The following SLIT2 variants were observed in gnomAD, a reference collection of about 807,000 sequenced individuals.
SLIT2 encodes slit homolog 2 protein.
A neutral mutation model predicts 185.7 loss-of-function variants in SLIT2; 41 were observed. The ratio of observed to expected loss-of-function variants is 0.22; its 90% confidence interval spans 0.17 to 0.29. The LOEUF (loss-of-function observed/expected upper bound fraction) is 0.29, where lower values mean the gene tolerates loss of function less well. Ranked by LOEUF, SLIT2 falls within the 10% of genes least tolerant of loss-of-function variation. The pLI is 1.00. For synonymous variants in SLIT2, 693 were observed against 680.2 expected, an observed-to-expected ratio of 1.02 and a Z score of -0.29; for missense variants, 1,571 against 1,909.0, an observed-to-expected ratio of 0.82 and a Z score of 3.30.
intron 4 of SLIT2, among the ~76,000 whole-genome samples, chr4:20,430,734 C>G (rs60021161): frequency 6.6e-6 from 1 of 152,190 alleles, no homozygotes; most frequent in Non-Finnish European, 1.5e-5. Context: ...TCCTCCCGCC[C>G]ATGGGGCCTC....
At position 20,549,114 on chromosome 4, in the gene SLIT2, G is replaced by T. The variant is rs1238244930; in HGVS notation, c.2475G>T (p.Lys825Asn). 23 of 1,588,628 alleles carry T rather than the reference G, an allele frequency of 1.4e-5. No individual in the cohort carries two copies. The highest frequency in any genetic ancestry group is 2.0e-5 in the Non-Finnish European group (23 of 1,157,656). ...CIPPRTFDGL[K>N]SLRLLSLHGN... ...CTCCTCGCACCTTTGATGGATTAAA[G>T]TCTCTTCGATTACTGTAAGCATCTT... The change falls in exon 24 of 37, where the codon AAG (lysine) becomes AAT (asparagine). Residue 825 changes from lysine (K) to asparagine (N), a missense_variant. Transcript: ENST00000504154.
chr4:20,536,354 C>A (rs1458717323), intron 18 of SLIT2, among the ~76,000 whole-genome samples: 1 of 151,906 alleles, frequency 6.6e-6, no homozygotes, highest in Non-Finnish European at 1.5e-5. Flanking sequence ...TCAGGAGTTC[C>A]AGGACCAGCC....
chr4:20,501,018 G>A (rs1304762847), intron 9 of SLIT2, among the ~76,000 whole-genome samples: 1 of 151,990 alleles, frequency 6.6e-6, no homozygotes, highest in Admixed American at 6.5e-5. Context: ...AAAACAAAAT[G>A]CAATGATTCT....
chr4:20,483,961 GAGTATC>G (rs1251722035), intron 6 of SLIT2, among the ~76,000 whole-genome samples: 1 of 151,854 alleles, frequency 6.6e-6, no homozygotes, highest in Non-Finnish European at 1.5e-5. Flanking sequence ...TTCAGTCATT[GAGTATC>G]AGTATCAGTA....
rs559549850 is a variant in SLIT2 at position 20,512,020 on chromosome 4, T to G, written c.1058+883T>G. ...TTAAAGAAGTTTAAAAATAAATGTATAGCAGCTGTTATTAATATTACTTCA... is the reference window on the plus strand; with the variant it reads ...TTAAAGAAGTTTAAAAATAAATGTAGAGCAGCTGTTATTAATATTACTTCA... On this transcript the variant is annotated intron_variant, in intron 11 of 36. Transcript: ENST00000504154. Among the ~76,000 whole-genome samples, 115 of 152,336 alleles carry G rather than the reference T, an allele frequency of 7.5e-4. 1 individual carries two copies. Among genetic ancestry groups the G allele is most frequent in the African/African-American group, 2.5e-3 (103 of 41,574 alleles).
chr4:20,424,100 C>A (rs1728369978), intron 4 of SLIT2, among the ~76,000 whole-genome samples: 1 of 152,106 alleles, frequency 6.6e-6, no homozygotes, highest in African/African-American at 2.4e-5. Flanking sequence ...TCAGAGTTGG[C>A]ATAGAACATA....
At chr4:20,292,691 C>G (rs538230318) in intron 4 of SLIT2, among the ~76,000 whole-genome samples, 2 of 152,280 alleles carry the variant, frequency 1.3e-5, no homozygotes, top group South Asian at 4.1e-4. Flanking sequence ...TATTATTTCT[C>G]TATATCAAAC....
intron 18 of SLIT2, among the ~76,000 whole-genome samples, chr4:20,537,077 G>A (rs987609672): frequency 6.6e-6 from 1 of 152,128 alleles, no homozygotes; most frequent in African/African-American, 2.4e-5. Flanking sequence ...CCTGCCTGAG[G>A]CTGTTTTATA....
chr4:20,500,918 C>A (rs915133466), intron 9 of SLIT2, among the ~76,000 whole-genome samples: 63 of 152,100 alleles, frequency 4.1e-4, no homozygotes, highest in African/African-American at 1.5e-3. Flanking sequence ...ATACAACTTG[C>A]CTAGAAATGT....
At chr4:20,268,701 C>T (rs1713291012) in intron 3 of SLIT2, 109 bp from the exon 4 acceptor site, 1 of 781,558 alleles carries the variant, frequency 1.3e-6, no homozygotes, top group South Asian at 1.4e-5. Flanking sequence ...TCCTGAATGT[C>T]ATTTCATTCT....
intron 4 of SLIT2, among the ~76,000 whole-genome samples, chr4:20,300,638 TTTG>T (rs914695326): frequency 6.6e-6 from 1 of 152,078 alleles, no homozygotes; most frequent in Non-Finnish European, 1.5e-5. Flanking sequence ...AGACATCCTC[TTTG>T]TTTTTATTTC....
intron 4 of SLIT2, among the ~76,000 whole-genome samples, chr4:20,294,435 C>T (rs148879991): frequency 2.4e-3 from 372 of 152,214 alleles, no homozygotes; most frequent in Middle Eastern, 6.8e-3. Context: ...AGGTCTCAGC[C>T]TCCACTGTGT....
intron 4 of SLIT2, among the ~76,000 whole-genome samples, chr4:20,389,754 G>A (rs149894050): frequency 9.2e-5 from 14 of 152,242 alleles, no homozygotes; most frequent in African/African-American, 3.4e-4. Context: ...GTACAGATGA[G>A]AGTTTATTCT....
intron 9 of SLIT2, 147 bp from the exon 10 acceptor site, chr4:20,510,348 A>T (rs1005433955): frequency 2.2e-5 from 14 of 646,086 alleles, no homozygotes; most frequent in South Asian, 3.6e-5. Context: ...GGACAGAAAA[A>T]TTAAATTTAG....
chr4:20,489,533 C>A (rs1215524091), intron 8 of SLIT2, among the ~76,000 whole-genome samples: 1 of 152,188 alleles, frequency 6.6e-6, no homozygotes, highest in Non-Finnish European at 1.5e-5. Context: ...CCTGTAATCC[C>A]AGCATTTTGG....
intron 33 of SLIT2, among the ~76,000 whole-genome samples, chr4:20,607,352 A>G (rs12511349): frequency 0.091 from 13,890 of 152,248 alleles, 749 homozygotes; most frequent in Admixed American, 0.15. Flanking sequence ...TTGAAGTGTA[A>G]TGATTATCTA....
intron 4 of SLIT2, among the ~76,000 whole-genome samples, chr4:20,405,924 C>G (rs1435056038): frequency 9.3e-6 from 1 of 107,216 alleles, no homozygotes; most frequent in Non-Finnish European, 2.3e-5. Flanking sequence ...CAAACATTAC[C>G]TTGGCTGTTC....
intron 4 of SLIT2, among the ~76,000 whole-genome samples, chr4:20,375,104 G>T (rs370379753): frequency 6.6e-6 from 1 of 152,002 alleles, no homozygotes; most frequent in South Asian, 2.1e-4. Context: ...TAAATAATTA[G>T]TCACAATTAG....
At chr4:20,518,555 A>ATGTGTG (rs1411285170) in intron 11 of SLIT2, among the ~76,000 whole-genome samples, 4 of 23,274 alleles carry the variant, frequency 1.7e-4, no homozygotes, top group African/African-American at 2.4e-4. Flanking sequence ...CCCAGCCTAT[A>ATGTGTG]TGTATATATA....
Sources: allele counts gnomAD v4.1 joint callset (sites outside exome capture counted in the v4.1 genomes callset), GRCh38; gene constraint gnomAD v4.1.1; transcripts MANE v1.5; gene names NCBI Gene and HGNC (gene_info 2026-07-23, HGNC 2026-07-21).